Variants in FBXO28 observed in about 807,000 individuals in gnomAD.
FBXO28 encodes the protein F-box only protein 28.
Under a neutral mutation model 38.1 loss-of-function variants are expected in FBXO28, and 8 were observed. That is an observed-to-expected ratio of 0.21 (90% confidence interval 0.12 to 0.38). The LOEUF (loss-of-function observed/expected upper bound fraction) is 0.38. FBXO28 is among the 10% of genes least tolerant of loss of function. The pLI is 1.00. For synonymous variants in FBXO28, 168 were observed against 173.8 expected (o/e 0.97, Z 0.26); for missense variants, 345 against 460.6 (o/e 0.75, Z 2.30).
At chr1:224,155,731 C>G (rs1383573046) in intron 4 of FBXO28, among the ~76,000 whole-genome samples, 3 of 152,184 alleles carry the variant, frequency 2.0e-5, no homozygotes, top group African/African-American at 4.8e-5. Flanking sequence ...AGTAATAAAG[C>G]CTACACATCT....
chr1:224,141,157 G>T (rs1342817898), intron 3 of FBXO28, among the ~76,000 whole-genome samples: 3 of 151,852 alleles, frequency 2.0e-5, no homozygotes, highest in Non-Finnish European at 4.4e-5. Context: ...ACTCCAGCCT[G>T]GGCAAGACAT....
At chr1:224,153,359 G>A in intron 4 of FBXO28, 22 bp downstream of exon 4, 1 of 1,518,932 alleles carries the variant, frequency 6.6e-7, no homozygotes, top group Non-Finnish European at 8.8e-7. Flanking sequence ...TTATAATCAT[G>A]CTTGTACATA....
At chr1:224,123,771 A>G (rs1160660973) in intron 1 of FBXO28, among the ~76,000 whole-genome samples, 1 of 152,176 alleles carries the variant, frequency 6.6e-6, no homozygotes, top group African/African-American at 2.4e-5. Flanking sequence ...GCATCTTAGA[A>G]TCAGTTAAGA....
intron 3 of FBXO28, among the ~76,000 whole-genome samples, chr1:224,145,808 C>A (rs112809544): frequency 0.06 from 9,161 of 152,174 alleles, 852 homozygotes; most frequent in African/African-American, 0.2. Context: ...GTGACTCACA[C>A]CTGTAATCCC....
At chr1:224,114,845 G>T (rs892383427) in intron 1 of FBXO28, among the ~76,000 whole-genome samples, 3 of 152,174 alleles carry the variant, frequency 2.0e-5, no homozygotes, top group Admixed American at 6.5e-5. Flanking sequence ...CAAGAATAAC[G>T]AATTGTTCCC....
chr1:224,153,616 T>C (rs543095053), intron 4 of FBXO28, among the ~76,000 whole-genome samples: 1 of 152,288 alleles, frequency 6.6e-6, no homozygotes, highest in South Asian at 2.1e-4. Context: ...AATAAACTTA[T>C]TAGAAATAGA....
In FBXO28 at chr1:224,143,226, A is replaced by G. The variant is rs549548768; in HGVS notation, c.516+9014A>G. Reference sequence around the variant, plus strand: ...AGAGTGAGACTCTGTCTCAAAAAAAAAAAAAAAAAGAGAAGGAGAAAAAAA... The same window carrying G: ...AGAGTGAGACTCTGTCTCAAAAAAAGAAAAAAAAAGAGAAGGAGAAAAAAA... On this transcript the variant is annotated intron_variant, in intron 3 of 4. Coordinates refer to ENST00000366862, the MANE Select transcript of FBXO28 (RefSeq NM_015176.4). 4.6e-5 allele frequency among the ~76,000 whole-genome samples: 7 copies of G among 151,190 alleles called. No homozygotes were observed. In the East Asian group the frequency reaches 1.2e-3, roughly 25 times the overall value.
At chr1:224,119,134 T>C (rs1311174083) in intron 1 of FBXO28, among the ~76,000 whole-genome samples, 2 of 72,120 alleles carry the variant, frequency 2.8e-5, no homozygotes, top group African/African-American at 5.8e-5. Context: ...TTCTTTTTTT[T>C]CTTTTTTTTT....
At chr1:224,137,576 AT>A (rs1179167255) in intron 3 of FBXO28, among the ~76,000 whole-genome samples, 4 of 151,842 alleles carry the variant, frequency 2.6e-5, no homozygotes, top group Non-Finnish European at 5.9e-5. Context: ...GAATGGTGAG[AT>A]TAGGGGAGAA....
intron 4 of FBXO28, among the ~76,000 whole-genome samples, chr1:224,155,654 T>G (rs1657756477): frequency 6.6e-6 from 1 of 152,250 alleles, no homozygotes; most frequent in African/African-American, 2.4e-5. Context: ...TAAAACTTTT[T>G]GTTTTGTTCA....
At chr1:224,139,186 C>A (rs1657278426) in intron 3 of FBXO28, among the ~76,000 whole-genome samples, 1 of 151,720 alleles carries the variant, frequency 6.6e-6, no homozygotes, top group African/African-American at 2.4e-5. Context: ...TAATTGACTA[C>A]ATAAGGCCAT....
At position 224,155,021 on chromosome 1, in the gene FBXO28, G is replaced by T. The variant is rs1274955225; in HGVS notation, c.712+1684G>T. On this transcript the variant is annotated intron_variant, in intron 4 of 4. Coordinates refer to ENST00000366862, the MANE Select transcript of FBXO28 (RefSeq NM_015176.4). ...TTAAGTTAAACCATTGTAATTTGAG[G>T]ACCATCTGTATTTTTTTATGTTTCT... is the stretch of plus-strand genomic sequence containing the variant. 2.0e-5 allele frequency among the ~76,000 whole-genome samples: 3 copies of T among 151,408 alleles called. No homozygotes were observed. The East Asian group carries it at 5.8e-4, about 29-fold the overall frequency.
rs33975517 is a variant in FBXO28 at position 224,142,044 on chromosome 1, A to ATT, written c.516+7847_516+7848dup. Among the ~76,000 whole-genome samples, 166 of 149,986 alleles carry ATT rather than the reference A, an allele frequency of 1.1e-3. 1 individual carries two copies. The highest frequency in any genetic ancestry group is 7.5e-3 in the Admixed American group (112 of 14,980). On this transcript the variant is annotated intron_variant, in intron 3 of 4. Transcript: ENST00000366862. ...ACCTGGGACTCTACAGGCACATTAA[A>ATT]TTTTTTTTTTTTTTTTAATTTTTGG...
At chr1:224,140,715 TG>T (rs1657322819) in intron 3 of FBXO28, among the ~76,000 whole-genome samples, 1 of 152,018 alleles carries the variant, frequency 6.6e-6, no homozygotes, top group Non-Finnish European at 1.5e-5. Context: ...GAGGCTGAGG[TG>T]GGCGGATCAC....
chr1:224,114,202 G>T lies in FBXO28; in HGVS notation c.73G>T (p.Ala25Ser). The T allele has an allele frequency of 6.5e-7, 1 of 1,548,902 alleles. No individual in the cohort carries two copies. ...CCAAGGCGACGGCGGTTCCTCTTTGGCCTCCGGCTCTACCCAGCGACAGCC... is the reference window on the plus strand; with the variant it reads ...CCAAGGCGACGGCGGTTCCTCTTTGTCCTCCGGCTCTACCCAGCGACAGCC... ...GGQGDGGSSL[A>S]SGSTQRQPPP... Residue 25 changes from alanine (A) to serine (S), a missense_variant, in exon 1 of 5, where the codon GCC (alanine) becomes TCC (serine). By Grantham distance (99) the Ala-to-Ser change is moderately conservative (BLOSUM62 1). Around this residue, in one of 6 missense-constraint regions of FBXO28, gnomAD observed 104 missense variants for 82.0 expected, o/e 1.27. Transcript: ENST00000366862.
chr1:224,136,316 GAAGT>G (rs984689791), intron 3 of FBXO28, among the ~76,000 whole-genome samples: 2 of 151,860 alleles, frequency 1.3e-5, no homozygotes, highest in African/African-American at 4.8e-5. Flanking sequence ...TCCACATGCT[GAAGT>G]AAGAACATTA....
intron 1 of FBXO28, among the ~76,000 whole-genome samples, chr1:224,126,910 G>A (rs1474775022): frequency 6.6e-6 from 1 of 152,152 alleles, no homozygotes; most frequent in Middle Eastern, 3.2e-3. Context: ...CCACTTTCAA[G>A]TCTTCCGGCT....
At chr1:224,125,165 G>A (rs556855309) in intron 1 of FBXO28, among the ~76,000 whole-genome samples, 2 of 150,792 alleles carry the variant, frequency 1.3e-5, no homozygotes, top group Non-Finnish European at 3.0e-5. Flanking sequence ...CCAGGCTGGA[G>A]TAGTGCAGGT....
intron 3 of FBXO28, among the ~76,000 whole-genome samples, chr1:224,141,972 G>C (rs1008014188): frequency 4.0e-5 from 6 of 150,804 alleles, no homozygotes; most frequent in African/African-American, 1.5e-4. Flanking sequence ...CATTGTAGTC[G>C]TGACCTCCTA....
Sources: allele counts gnomAD v4.1 joint callset (sites outside exome capture counted in the v4.1 genomes callset), GRCh38; gene constraint gnomAD v4.1.1; regional missense constraint gnomAD v4.1.1; transcripts MANE v1.5; gene names NCBI Gene and HGNC (gene_info 2026-07-23, HGNC 2026-07-21).